Variants in PCLO observed in about 807,000 individuals in gnomAD.
PCLO encodes the protein protein piccolo.
In PCLO, 82 loss-of-function variants were observed where a neutral mutation model predicts 427.5. The observed-to-expected ratio is 0.19, with a 90% CI of 0.16 to 0.23. The LOEUF (loss-of-function observed/expected upper bound fraction) is 0.23, where lower values mean the gene tolerates loss of function less well. Ranked by LOEUF, PCLO falls within the 10% of genes least tolerant of loss-of-function variation. The pLI, the probability that PCLO is intolerant of heterozygous loss-of-function variation, is 1.00. For missense variants in PCLO, 6,239 were observed against 6,115.9 expected (o/e 1.02, Z -0.67); for synonymous variants, 2,357 against 2,155.4 (o/e 1.09, Z -2.59).
rs1357020017 is a variant in PCLO, at chr7:82,949,525, G to C, written c.11063C>G (p.Thr3688Arg). The C allele has an allele frequency of 6.2e-7, 1 of 1,613,098 alleles. No homozygotes were observed. Among genetic ancestry groups the C allele is most frequent in the East Asian group, 2.2e-5 (1 of 44,874 alleles). Residue 3688 changes from threonine to arginine, a missense_variant, in exon 6 of 25, where the codon ACA (threonine) becomes AGA (arginine). Around this residue, in one of 5 missense-constraint regions of PCLO, gnomAD observed 4,677 missense variants for 4,468.4 expected, o/e 1.05. Transcript: ENST00000333891. ...SMSDPKPLSP[T>R]ADESSRAPFQ... ...AGGAGCCCTGGAACTTTCGTCTGCT[G>C]TTGGACTCAGAGGCTTGGGGTCAGA...
At chr7:82,789,845 C>G (rs1173228494) in intron 22 of PCLO, among the ~76,000 whole-genome samples, 1 of 152,186 alleles carries the variant, frequency 6.6e-6, no homozygotes, top group Non-Finnish European at 1.5e-5. Context: ...TGCTTTTCAT[C>G]ATGTTCGAAC....
chr7:82,834,314 A>C (rs1792171627), intron 16 of PCLO, among the ~76,000 whole-genome samples: 1 of 152,174 alleles, frequency 6.6e-6, no homozygotes, highest in Non-Finnish European at 1.5e-5. Context: ...AGCCTGAGAT[A>C]CCTGGATTGT....
At chr7:83,057,782 A>G (rs1435540728) in intron 3 of PCLO, among the ~76,000 whole-genome samples, 5 of 152,170 alleles carry the variant, frequency 3.3e-5, no homozygotes, top group Non-Finnish European at 7.4e-5. Flanking sequence ...TGGAAAGAAA[A>G]TCAAAATCTT....
intron 2 of PCLO, among the ~76,000 whole-genome samples, chr7:83,139,112 T>A (rs769419612): frequency 2.0e-5 from 3 of 152,092 alleles, no homozygotes; most frequent in Non-Finnish European, 4.4e-5. Context: ...AACAGAACTT[T>A]CTGATAAACT....
rs1034153155 is a variant in PCLO at position 83,134,245 on chromosome 7, C to T, written c.3300+5G>A. 62 of 734,710 alleles carry T rather than the reference C, an allele frequency of 8.4e-5. No individual in the cohort carries two copies. The highest frequency in any genetic ancestry group is 1.2e-4 in the Non-Finnish European group (59 of 503,530). The allele number at this position is 734,710 out of a possible 1,614,324, so 45.5% of individuals were successfully genotyped here. ...TATATATATATATATATATATATAA[C>T]TTACCTCAGTCAAATGTGGTGTAGG... On this transcript the variant is annotated splice_donor_5th_base_variant and intron_variant, in intron 3 of 24. Coordinates refer to ENST00000333891, the MANE Select transcript of PCLO (RefSeq NM_033026.6).
At chr7:82,869,882 T>A (rs1418542419) in intron 10 of PCLO, among the ~76,000 whole-genome samples, 1 of 152,014 alleles carries the variant, frequency 6.6e-6, no homozygotes, top group Non-Finnish European at 1.5e-5. Context: ...AAACATGAAA[T>A]ATCTTTTCAT....
At chr7:83,018,644 T>C (rs1375049854) in intron 3 of PCLO, among the ~76,000 whole-genome samples, 1 of 152,068 alleles carries the variant, frequency 6.6e-6, no homozygotes, top group Non-Finnish European at 1.5e-5. Context: ...CTTAAATATG[T>C]ACATGTTAAA....
In PCLO at chr7:82,916,313, A is replaced by G; in HGVS notation, c.11673T>C (p.Ser3891=). 1 of 1,613,566 alleles carries G rather than the reference A, an allele frequency of 6.2e-7. No individual in the cohort carries two copies. Among genetic ancestry groups the G allele is most frequent in the Non-Finnish European group, 8.5e-7 (1 of 1,179,646 alleles). ...PTSPYTQYQY[S]SPALPTQAPT... is the part of the protein sequence containing the mutation. ...GTGCTTGGGTAGGAAGAGCAGGGGA[A>G]GAGTACTGGTATTGTGTGTAAGGAC... The change falls in exon 7 of 25, where the codon TCT becomes TCC. Residue 3891 remains serine (S), a synonymous_variant. Coordinates refer to ENST00000333891, the MANE Select transcript of PCLO (RefSeq NM_033026.6).
chr7:83,106,234 C>T (rs80127761), intron 3 of PCLO, among the ~76,000 whole-genome samples: 3,053 of 152,270 alleles, frequency 0.02, 92 homozygotes, highest in African/African-American at 0.065. Flanking sequence ...ACAAGCCTCA[C>T]TTGAATGGAG....
At chr7:82,970,768 T>C (rs931422524) in intron 3 of PCLO, among the ~76,000 whole-genome samples, 5 of 151,788 alleles carry the variant, frequency 3.3e-5, no homozygotes, top group Admixed American at 6.6e-5. Context: ...TGGAGGAAAA[T>C]ACAGAATCTA....
intron 10 of PCLO, among the ~76,000 whole-genome samples, chr7:82,860,233 G>A (rs1414036621): frequency 6.6e-6 from 1 of 151,750 alleles, no homozygotes; most frequent in Non-Finnish European, 1.5e-5. Flanking sequence ...GGTTTTAGAG[G>A]GCCAAGCAGA....
intron 10 of PCLO, among the ~76,000 whole-genome samples, chr7:82,856,016 C>T (rs1188312462): frequency 2.0e-5 from 3 of 152,056 alleles, no homozygotes; most frequent in African/African-American, 7.2e-5. Context: ...CTTGTGAAAA[C>T]TTGGGCACAG....
rs182169979 is a variant in PCLO at position 82,993,434 on chromosome 7, A to T, written c.3301-26947T>A. Among the ~76,000 whole-genome samples the T allele has an allele frequency of 4.8e-3, 726 of 152,004 alleles. 4 individuals carry two copies. Among genetic ancestry groups the T allele is most frequent in the African/African-American group, 0.017 (696 of 41,502 alleles). ...TAGAGTAAGGCTTTGGCATTTTTTT[A>T]AAAAAAGCCCTGAATTTGAATTTTG... On this transcript the variant is annotated intron_variant, in intron 3 of 24. Transcript: ENST00000333891.
chr7:82,854,314 T>G (rs1396218150), intron 10 of PCLO, among the ~76,000 whole-genome samples: 3 of 152,112 alleles, frequency 2.0e-5, no homozygotes, highest in Non-Finnish European at 4.4e-5. Context: ...TTGGTTTAAA[T>G]CTACATGCCA....
rs1297664958 is a variant in PCLO, at chr7:82,755,782, T to C, written c.*2793A>G. ...CAATAAAAAAGAAACAGTTTTGTTG[T>C]AAGAAGGGTAGTCAACATCATTCAG... On this transcript the variant is annotated 3_prime_UTR_variant, in exon 25 of 25. Transcript: ENST00000333891. 1 of 152,186 alleles carries C rather than the reference T, an allele frequency of 6.6e-6. No individual in the cohort carries two copies. The highest frequency in any genetic ancestry group is 2.4e-5 in the African/African-American group (1 of 41,444). 9.4% of individuals were successfully genotyped at this position (152,186 alleles called of 1,614,324 possible).
At chr7:83,129,821 GTAGAACATTAAC>G (rs1352428393) in intron 3 of PCLO, among the ~76,000 whole-genome samples, 1 of 152,086 alleles carries the variant, frequency 6.6e-6, no homozygotes, top group Non-Finnish European at 1.5e-5. Flanking sequence ...ACTATACAGA[GTAGAACATTAAC>G]TACGTAAAAA....
At chr7:82,934,646 C>T (rs1473948531) in intron 6 of PCLO, among the ~76,000 whole-genome samples, 7 of 151,598 alleles carry the variant, frequency 4.6e-5, no homozygotes, top group Non-Finnish European at 8.9e-5. Context: ...CAGAAAATTT[C>T]AGAGCATGTC....
intron 22 of PCLO, among the ~76,000 whole-genome samples, chr7:82,789,343 A>C: frequency 6.6e-6 from 1 of 152,214 alleles, no homozygotes; most frequent in East Asian, 1.9e-4. Flanking sequence ...CAATTAGAAT[A>C]ACCTAATTGA....
chr7:82,997,729 C>G lies in PCLO; in HGVS notation c.3301-31242G>C, dbSNP rs565825450. ...CTGGAAGAATGAGTTAAGAACCTGG[C>G]AGGGTACTGTCATTAGTGAAAGAAG... is the stretch of plus-strand genomic sequence containing the variant. On this transcript the variant is annotated intron_variant, in intron 3 of 24. Transcript: ENST00000333891. Among the ~76,000 whole-genome samples, 4 of 152,096 alleles carry G rather than the reference C, an allele frequency of 2.6e-5. No individual in the cohort carries two copies. In the East Asian group the frequency reaches 7.7e-4, roughly 29 times the overall value.
Sources: allele counts gnomAD v4.1 joint callset (sites outside exome capture counted in the v4.1 genomes callset), GRCh38; gene constraint gnomAD v4.1.1; regional missense constraint gnomAD v4.1.1; transcripts MANE v1.5; gene names NCBI Gene and HGNC (gene_info 2026-07-23, HGNC 2026-07-21).